SPON2: variants seen among roughly 807,000 people sequenced by gnomAD.
SPON2 encodes spondin-2.
A neutral mutation model predicts 29.9 loss-of-function variants in SPON2; 32 were observed. The ratio of observed to expected loss-of-function variants is 1.07; its 90% CI spans 0.81 to 1.44. SPON2 has a LOEUF of 1.44. Among genes scored for constraint, SPON2 ranks in the 40% most tolerant of loss-of-function variants. The pLI is 0.00. For synonymous variants in SPON2, 248 were observed against 209.1 expected, an observed-to-expected ratio of 1.19 and a Z score of -1.61; for missense variants, 541 against 455.5, an observed-to-expected ratio of 1.19 and a Z score of -1.71.
intron 1 of SPON2, among the ~76,000 whole-genome samples, chr4:1,185,392 C>T (rs762809749): frequency 6.6e-6 from 1 of 151,124 alleles, no homozygotes; most frequent in African/African-American, 2.4e-5. Flanking sequence ...GTCTTTTTGA[C>T]AAATGGTGTT....
chr4:1,172,317 A>G, intron 1 of SPON2: 1 of 577,994 alleles, frequency 1.7e-6, no homozygotes, highest in East Asian at 2.9e-5. Context: ...TTTCAGTCCG[A>G]GTCCCTGCAG....
chr4:1,172,184 C>G (rs1007454560), intron 1 of SPON2, 110 bp from the exon 2 acceptor site: 1 of 873,632 alleles, frequency 1.1e-6, no homozygotes, highest in Non-Finnish European at 1.7e-6. Flanking sequence ...CCCGAGCACC[C>G]GCGACCCCCT....
chr4:1,195,557 GGTAGGCACTGCC>G (rs1328524996), upstream of SPON2, among the ~76,000 whole-genome samples: 8 of 152,096 alleles, frequency 5.3e-5, no homozygotes, highest in Non-Finnish European at 1.2e-4. Flanking sequence ...ACCACATGTG[GGTAGGCACTGCC>G]GCAGCCCCTC....
chr4:1,170,266 T>A (rs551358959), intron 5 of SPON2, 136 bp downstream of exon 5: 5 of 820,896 alleles, frequency 6.1e-6, no homozygotes, highest in East Asian at 5.0e-5. Context: ...ATCCTAAATC[T>A]TCTAGGCACC....
chr4:1,194,078 G>T (rs1727981334), intron 1 of SPON2, among the ~76,000 whole-genome samples: 1 of 152,062 alleles, frequency 6.6e-6, no homozygotes, highest in African/African-American at 2.4e-5. Flanking sequence ...CTTTGAAGTG[G>T]CCTTGCCAGA....
chr4:1,204,090 T>G (rs1728280156), intron 1 of SPON2, among the ~76,000 whole-genome samples: 1 of 152,210 alleles, frequency 6.6e-6, no homozygotes, highest in South Asian at 2.1e-4. Context: ...CAGGCTGGTC[T>G]CAAACTCCTG....
At chr4:1,189,937 CT>C (rs537807363) in intron 1 of SPON2, among the ~76,000 whole-genome samples, 153 of 144,990 alleles carry the variant, frequency 1.1e-3, no homozygotes, top group African/African-American at 3.9e-3. Flanking sequence ...TGTAAGTGAG[CT>C]GAGATCATGC....
chr4:1,204,741 C>T (rs768846558), intron 1 of SPON2, among the ~76,000 whole-genome samples: 43 of 152,208 alleles, frequency 2.8e-4, no homozygotes, highest in Admixed American at 1.1e-3. Flanking sequence ...AGGGACGGCA[C>T]CTCGTGACGC....
chr4:1,195,004 T>TTCCAACCCCACAGCCGGCGTC (rs1728023311), exon 1 of SPON2: 1 of 44,732 alleles, frequency 2.2e-5, no homozygotes, highest in African/African-American at 6.9e-5. Flanking sequence ...CAGCCGGCGG[T>TTCCAACCCCACAGCCGGCGTC]TCCAACCCCG....
At chr4:1,186,604 G>A (rs192940760) in intron 1 of SPON2, among the ~76,000 whole-genome samples, 188 of 152,246 alleles carry the variant, frequency 1.2e-3, no homozygotes, top group Middle Eastern at 3.4e-3. Flanking sequence ...GCACCCAGCT[G>A]ATGGGAGAAA....
At chr4:1,194,250 C>T (rs1036768711) in intron 1 of SPON2, among the ~76,000 whole-genome samples, 5 of 152,178 alleles carry the variant, frequency 3.3e-5, no homozygotes, top group Non-Finnish European at 7.4e-5. Flanking sequence ...CGGGCCTCTT[C>T]TGCCAAGGCC....
upstream of SPON2, among the ~76,000 whole-genome samples, chr4:1,173,485 C>T (rs1727526910): frequency 6.6e-6 from 1 of 152,198 alleles, no homozygotes. Context: ...CTAGGCTTCC[C>T]TGCCTTTGGG....
At chr4:1,181,995 T>C (rs183115591) in intron 1 of SPON2, among the ~76,000 whole-genome samples, 3 of 152,302 alleles carry the variant, frequency 2.0e-5, no homozygotes, top group Admixed American at 2.0e-4. Flanking sequence ...GAAAGTGATA[T>C]GGCACATACA....
chr4:1,181,375 G>C (rs1727697586), intron 1 of SPON2, among the ~76,000 whole-genome samples: 1 of 152,180 alleles, frequency 6.6e-6, no homozygotes, highest in African/African-American at 2.4e-5. Context: ...ATACTAATGA[G>C]AGTACCTTAG....
At chr4:1,172,888 C>T (rs1339495442), upstream of SPON2, 2 of 5,548 alleles carry the variant, frequency 3.6e-4, no homozygotes. Flanking sequence ...CCCTTCCCCT[C>T]CCCTCCCCTC....
chr4:1,170,354 C>T (rs1241197358), intron 5 of SPON2, 48 bp downstream of exon 5: 1 of 1,570,308 alleles, frequency 6.4e-7, no homozygotes, highest in Admixed American at 2.1e-5. Context: ...CGCCCTGTGG[C>T]AGGGTTCGGG....
intron 1 of SPON2, among the ~76,000 whole-genome samples, chr4:1,194,672 C>T (rs901058803): frequency 6.6e-6 from 1 of 152,156 alleles, no homozygotes; most frequent in African/African-American, 2.4e-5. Flanking sequence ...GAGCTGGCCC[C>T]GCTGCCGGGA....
chr4:1,194,256 A>C (rs1447753056), intron 1 of SPON2, among the ~76,000 whole-genome samples: 1 of 152,142 alleles, frequency 6.6e-6, no homozygotes, highest in Non-Finnish European at 1.5e-5. Context: ...TCTTCTGCCA[A>C]GGCCATGTCA....
intron 1 of SPON2, among the ~76,000 whole-genome samples, chr4:1,204,284 C>A (rs1201188179): frequency 2.0e-5 from 3 of 152,226 alleles, no homozygotes; most frequent in Non-Finnish European, 2.9e-5. Flanking sequence ...GATACACATC[C>A]TTTCTGCTCA....
Sources: allele counts gnomAD v4.1 joint callset (sites outside exome capture counted in the v4.1 genomes callset), GRCh38; gene constraint gnomAD v4.1.1; transcripts MANE v1.5; gene names NCBI Gene and HGNC (gene_info 2026-07-23, HGNC 2026-07-21).